MPP7: variants seen among roughly 807,000 people sequenced by gnomAD.
MPP7 encodes MAGUK p55 scaffold protein 7.
Under a neutral mutation model 76.5 loss-of-function variants are expected in MPP7, and 60 were observed. That is an observed-to-expected ratio of 0.78 (90% CI 0.64 to 0.97). The LOEUF is 0.97. Among genes scored for constraint, MPP7 ranks in the 50% least tolerant of loss-of-function variants. The pLI is 0.00. For missense variants in MPP7, 641 were observed against 694.0 expected, an observed-to-expected ratio of 0.92 and a Z score of 0.86; for synonymous variants, 237 against 244.5, an observed-to-expected ratio of 0.97 and a Z score of 0.29.
chr10:28,231,659 T>C (rs1838888648), intron 2 of MPP7, among the ~76,000 whole-genome samples: 1 of 151,784 alleles, frequency 6.6e-6, no homozygotes, highest in Admixed American at 6.6e-5. Flanking sequence ...CTTGGAAAAC[T>C]GTAAATCACC....
At chr10:28,127,271 C>A (rs936237184) in intron 6 of MPP7, among the ~76,000 whole-genome samples, 1 of 151,984 alleles carries the variant, frequency 6.6e-6, no homozygotes, top group Non-Finnish European at 1.5e-5. Flanking sequence ...TGCAAGGCAC[C>A]GTTCTAAGGG....
intron 11 of MPP7, among the ~76,000 whole-genome samples, chr10:28,110,510 CAGAA>C (rs1834473573): frequency 6.6e-6 from 1 of 152,130 alleles, no homozygotes; most frequent in Admixed American, 6.5e-5. Flanking sequence ...TTGGATTAGA[CAGAA>C]AGGTTAAGAT....
intron 3 of MPP7, among the ~76,000 whole-genome samples, chr10:28,167,259 C>T (rs1053141771): frequency 6.6e-6 from 1 of 151,560 alleles, no homozygotes; most frequent in East Asian, 1.9e-4. Context: ...TGCAGTGAGC[C>T]GAGACGGCAC....
intron 2 of MPP7, among the ~76,000 whole-genome samples, chr10:28,318,744 A>T (rs983947017): frequency 2.0e-5 from 3 of 152,218 alleles, no homozygotes; most frequent in African/African-American, 7.2e-5. Context: ...TCTTAGATAC[A>T]TAGCCCTGCC....
intron 3 of MPP7, among the ~76,000 whole-genome samples, chr10:28,194,849 T>A (rs936361766): frequency 6.6e-6 from 1 of 152,180 alleles, no homozygotes; most frequent in Non-Finnish European, 1.5e-5. Flanking sequence ...TAAACCTTAA[T>A]GTAGATAATG....
At chr10:28,131,723 A>T in intron 5 of MPP7, 32 bp from the exon 6 acceptor site, 1 of 1,348,572 alleles carries the variant, frequency 7.4e-7, no homozygotes, top group Non-Finnish European at 1.0e-6. Context: ...TTAAATAAGT[A>T]AATATACATA....
intron 3 of MPP7, among the ~76,000 whole-genome samples, chr10:28,179,272 T>G (rs1836980573): frequency 6.6e-6 from 1 of 152,074 alleles, no homozygotes. Context: ...TCTTGGAAAA[T>G]ACCCCCTTCT....
chr10:28,282,749 C>A (rs957952547), intron 1 of MPP7, among the ~76,000 whole-genome samples: 1 of 151,914 alleles, frequency 6.6e-6, no homozygotes, highest in Non-Finnish European at 1.5e-5. Flanking sequence ...TTACACTGTT[C>A]GGATCTGTGT....
chr10:28,322,669 A>G (rs1834378899), intron 2 of MPP7, among the ~76,000 whole-genome samples: 1 of 152,106 alleles, frequency 6.6e-6, no homozygotes, highest in Non-Finnish European at 1.5e-5. Flanking sequence ...TCACTTCTCC[A>G]GTTTCTCCAA....
rs76993257 is a variant in MPP7 at position 28,282,786 on chromosome 10, T to C, written c.-132+20075A>G. Among the ~76,000 whole-genome samples, 1,017 of 152,026 alleles carry C rather than the reference T, an allele frequency of 6.7e-3. 20 individuals carry two copies. Among genetic ancestry groups the C allele is most frequent in the African/African-American group, 0.023 (968 of 41,372 alleles). On this transcript the variant is annotated intron_variant, in intron 1 of 16. Coordinates refer to ENST00000683449, the MANE Select transcript of MPP7 (RefSeq NM_001318170.2). ...ACTCCTCAGTTCAACCCCTCGCTAT[T>C]GCCTGCTTGTTCTGTGTCGGTGACC...
chr10:28,127,280 G>A (rs971157976), intron 6 of MPP7, among the ~76,000 whole-genome samples: 7 of 152,046 alleles, frequency 4.6e-5, no homozygotes, highest in African/African-American at 1.7e-4. Context: ...CCGTTCTAAG[G>A]GCTTATAATA....
chr10:28,265,989 A>C (rs1840138469), intron 1 of MPP7, among the ~76,000 whole-genome samples: 1 of 151,994 alleles, frequency 6.6e-6, no homozygotes, highest in Non-Finnish European at 1.5e-5. Flanking sequence ...TGTTTTGGAG[A>C]CAGGGTCTCA....
At chr10:28,097,092 C>G (rs557768956) in intron 11 of MPP7, among the ~76,000 whole-genome samples, 1 of 152,146 alleles carries the variant, frequency 6.6e-6, no homozygotes, top group African/African-American at 2.4e-5. Context: ...TGGGCTCCAG[C>G]GATCCTCCCA....
intron 11 of MPP7, among the ~76,000 whole-genome samples, chr10:28,113,458 C>G (rs1414624789): frequency 6.6e-6 from 1 of 152,168 alleles, no homozygotes; most frequent in African/African-American, 2.4e-5. Context: ...ATTTCCTGGT[C>G]AGGGCATTCC....
chr10:28,070,185 C>G (rs939285621), intron 12 of MPP7, among the ~76,000 whole-genome samples: 3 of 152,072 alleles, frequency 2.0e-5, no homozygotes, highest in African/African-American at 7.2e-5. Context: ...ATCACGAGGT[C>G]AGGAGATTGA....
At chr10:28,306,828 C>T (rs184383593), upstream of MPP7, among the ~76,000 whole-genome samples, 1 of 152,270 alleles carries the variant, frequency 6.6e-6, no homozygotes, top group African/African-American at 2.4e-5. Flanking sequence ...AGACCCAGAT[C>T]GCAGACCTGA....
intron 12 of MPP7, among the ~76,000 whole-genome samples, chr10:28,070,277 T>C (rs898154997): frequency 6.6e-6 from 1 of 152,058 alleles, no homozygotes; most frequent in Admixed American, 6.5e-5. Context: ...CGGGTGCCTG[T>C]AGTCCCAGCT....
At chr10:28,158,955 T>TG in intron 3 of MPP7, among the ~76,000 whole-genome samples, 1 of 152,220 alleles carries the variant, frequency 6.6e-6, no homozygotes, top group African/African-American at 2.4e-5. Flanking sequence ...CAAAGGGTAT[T>TG]GGGGGAGTAG....
intron 11 of MPP7, among the ~76,000 whole-genome samples, chr10:28,097,030 T>C (rs2133490248): frequency 6.6e-6 from 1 of 152,250 alleles, no homozygotes; most frequent in African/African-American, 2.4e-5. Flanking sequence ...CATTCTGTCA[T>C]CCAGGCTGAA....
Sources: gnomAD v4.1 joint callset for allele counts (sites outside exome capture counted in the v4.1 genomes callset) on GRCh38, gnomAD v4.1.1 for gene constraint, MANE v1.5 for transcripts, NCBI Gene and HGNC (gene_info 2026-07-23, HGNC 2026-07-21) for gene names.